ZC3H12B: variants seen among roughly 807,000 people sequenced by gnomAD.
ZC3H12B encodes the protein zinc finger CCCH-type containing 12B.
ZC3H12B carries 7 observed loss-of-function variants against 43.9 expected under a neutral mutation model. The ratio of observed to expected loss-of-function variants is 0.16; its 90% CI spans 0.09 to 0.30. The LOEUF is 0.30. Among genes scored for constraint, ZC3H12B ranks in the 10% least tolerant of loss-of-function variants. ZC3H12B has a pLI of 1.00. For synonymous variants in ZC3H12B, 222 were observed against 241.7 expected (o/e 0.92, Z 0.76); for missense variants, 475 against 670.2 (o/e 0.71, Z 3.22).
the ZC3H12B span, among the ~76,000 whole-genome samples, chrX:65,188,824 T>G: frequency 9.2e-6 from 1 of 108,841 alleles, no homozygotes; most frequent in Admixed American, 9.9e-5. Flanking sequence ...TATTTAAGTT[T>G]TAGGGTACAT....
intron 3 of ZC3H12B, among the ~76,000 whole-genome samples, chrX:65,453,615 G>A (rs565073991): frequency 1.9e-5 from 2 of 106,005 alleles, no homozygotes; most frequent in East Asian, 3.0e-4. Context: ...CCAGCTACTC[G>A]GGAGGCTGAG....
the ZC3H12B span, among the ~76,000 whole-genome samples, chrX:65,317,635 G>A: frequency 8.3e-5 from 9 of 108,451 alleles, no homozygotes; most frequent in Non-Finnish European, 1.7e-4. Flanking sequence ...CGATGTTTGG[G>A]TTTCCATTCC....
the ZC3H12B span, among the ~76,000 whole-genome samples, chrX:65,182,484 G>A: frequency 9.0e-6 from 1 of 110,700 alleles, no homozygotes; most frequent in African/African-American, 3.3e-5. Flanking sequence ...TGATGCTCCT[G>A]CTCTGTCAGT....
chrX:65,105,975 G>T, the ZC3H12B span, among the ~76,000 whole-genome samples: 1 of 111,694 alleles, frequency 9.0e-6, no homozygotes, highest in South Asian at 3.7e-4. Context: ...CTTATTATGT[G>T]CAGTGCTCTC....
the ZC3H12B span, among the ~76,000 whole-genome samples, chrX:65,320,217 C>A: frequency 8.9e-6 from 1 of 111,747 alleles, no homozygotes; most frequent in Non-Finnish European, 1.9e-5. Context: ...ATACAAAGAT[C>A]AGTGTACAAA....
the ZC3H12B span, among the ~76,000 whole-genome samples, chrX:65,113,315 G>T: frequency 3.6e-5 from 4 of 111,894 alleles, no homozygotes; most frequent in Non-Finnish European, 7.5e-5. Context: ...GACAACAAAA[G>T]ATTTAGAATA....
the ZC3H12B span, among the ~76,000 whole-genome samples, chrX:65,181,679 A>G: frequency 8.9e-6 from 1 of 112,506 alleles, no homozygotes; most frequent in African/African-American, 3.2e-5. Context: ...CATTAGAGAA[A>G]TGCAAATCAA....
the ZC3H12B span, among the ~76,000 whole-genome samples, chrX:65,159,104 A>T: frequency 9.0e-6 from 1 of 111,309 alleles, no homozygotes; most frequent in Non-Finnish European, 1.9e-5. Flanking sequence ...ATTATTTCTG[A>T]GGTCTCTGTT....
chrX:65,178,204 AG>A, the ZC3H12B span, among the ~76,000 whole-genome samples: 5 of 112,501 alleles, frequency 4.4e-5, no homozygotes, highest in Non-Finnish European at 9.4e-5. Flanking sequence ...AAAACTGGCT[AG>A]CCATATGCAG....
At chrX:65,410,077 T>C (rs1288459237) in intron 3 of ZC3H12B, among the ~76,000 whole-genome samples, 1 of 90,526 alleles carries the variant, frequency 1.1e-5, no homozygotes, top group Non-Finnish European at 2.2e-5. Context: ...GCTATAGTAA[T>C]CAAATCAGCA....
intron 3 of ZC3H12B, among the ~76,000 whole-genome samples, chrX:65,422,579 C>T (rs2067031515): frequency 9.1e-6 from 1 of 110,029 alleles, no homozygotes; most frequent in African/African-American, 3.3e-5. Context: ...GATACATGTG[C>T]AGAACGTGCA....
At chrX:65,068,613 G>C in the ZC3H12B span, among the ~76,000 whole-genome samples, 4 of 111,477 alleles carry the variant, frequency 3.6e-5, no homozygotes, top group Non-Finnish European at 7.5e-5. Context: ...TTTTCGATTT[G>C]TTCATCGTTC....
the ZC3H12B span, among the ~76,000 whole-genome samples, chrX:65,315,952 G>A: frequency 9.0e-6 from 1 of 111,626 alleles, no homozygotes; most frequent in African/African-American, 3.3e-5. Flanking sequence ...CTGAAAAATG[G>A]TATGGTCATT....
chrX:65,243,923 T>G, the ZC3H12B span, among the ~76,000 whole-genome samples: 1 of 111,729 alleles, frequency 9.0e-6, no homozygotes, highest in East Asian at 2.8e-4. Context: ...TAATACAAAA[T>G]TAAACTCATT....
intron 2 of ZC3H12B, among the ~76,000 whole-genome samples, chrX:65,370,467 G>A (rs1305639687): frequency 8.9e-6 from 1 of 111,825 alleles, no homozygotes; most frequent in African/African-American, 3.3e-5. Context: ...AAAGTACTTT[G>A]TAGGCAATAA....
chrX:65,116,978 G>C, the ZC3H12B span, among the ~76,000 whole-genome samples: 1 of 111,715 alleles, frequency 9.0e-6, no homozygotes, highest in Non-Finnish European at 1.9e-5. Context: ...ATTTGGGTTG[G>C]TTCCAAGTCT....
Position 65,373,971 on chromosome X carries a change from GTA to G in ZC3H12B, n.295+4984_295+4985del, listed in dbSNP as rs1556058082. Among the ~76,000 whole-genome samples, 72 of 41,343 alleles carry G rather than the reference GTA, an allele frequency of 1.7e-3. 2 individuals carry two copies. Among genetic ancestry groups the G allele is most frequent in the Admixed American group, 3.7e-3 (8 of 2,143 alleles). 35.9% of individuals were successfully genotyped at this position (41,343 alleles called of 115,157 possible). A position where few individuals can be genotyped will look rare whatever the true frequency, so the allele number is the denominator to read the frequency against. ...GTTATATATATATACTGTATATATAGTATATATATATACTATATATATATAGT... is the reference window on the plus strand; with the variant it reads ...GTTATATATATATACTGTATATATAGTATATATATACTATATATATATAGT... On this transcript the variant is annotated intron_variant and non_coding_transcript_variant, in intron 2 of 5. Coordinates refer to the ZC3H12B transcript ENST00000617377.
At chrX:65,053,455 GCATAGTATTC>G in the ZC3H12B span, among the ~76,000 whole-genome samples, 1 of 111,542 alleles carries the variant, frequency 9.0e-6, no homozygotes, top group Non-Finnish European at 1.9e-5. Flanking sequence ...TTTTAAGGCT[GCATAGTATTC>G]CATGGTGTAT....
At chrX:65,299,525 A>G in the ZC3H12B span, among the ~76,000 whole-genome samples, 5 of 112,456 alleles carry the variant, frequency 4.4e-5, no homozygotes, top group Non-Finnish European at 9.4e-5. Context: ...AAGCCTGAAT[A>G]GACAGAAAGA....
Sources: allele counts gnomAD v4.1 joint callset (sites outside exome capture counted in the v4.1 genomes callset), GRCh38; gene constraint gnomAD v4.1.1; transcripts MANE v1.5; gene names NCBI Gene and HGNC (gene_info 2026-07-23, HGNC 2026-07-21).